Variants in SAMMSON observed in about 807,000 individuals in gnomAD.
SAMMSON encodes the protein long intergenic non-protein coding RNA 1212.
chr3:70,206,858 T>C (rs1701296410), intron 4 of SAMMSON: 2 of 396,340 alleles, frequency 5.0e-6, no homozygotes, highest in East Asian at 7.1e-5. Flanking sequence ...GACCTAAGAA[T>C]GCAGAAATTT....
intron 9 of SAMMSON, among the ~76,000 whole-genome samples, chr3:70,370,451 T>C (rs1702958782): frequency 6.6e-6 from 1 of 152,070 alleles, no homozygotes; most frequent in Non-Finnish European, 1.5e-5. Flanking sequence ...CTCTTTTCTC[T>C]ACATCCTTGT....
chr3:70,004,008 AG>A, intron 1 of SAMMSON, among the ~76,000 whole-genome samples: 1 of 151,942 alleles, frequency 6.6e-6, no homozygotes, highest in African/African-American at 2.4e-5. Flanking sequence ...CAAAGTTAAA[AG>A]CTTCTTTTTT....
intron 2 of SAMMSON, among the ~76,000 whole-genome samples, chr3:70,398,323 A>G (rs932808067): frequency 1.3e-5 from 2 of 152,222 alleles, no homozygotes; most frequent in African/African-American, 4.8e-5. Context: ...AAAGTAAATT[A>G]AAGACTTTTC....
chr3:70,139,493 T>A (rs1475744444), intron 4 of SAMMSON, among the ~76,000 whole-genome samples: 1 of 152,178 alleles, frequency 6.6e-6, no homozygotes, highest in East Asian at 1.9e-4. Flanking sequence ...TTGGGGCTCC[T>A]TGCAATGGCT....
chr3:70,139,898 A>T (rs755893345), intron 4 of SAMMSON, among the ~76,000 whole-genome samples: 33 of 152,160 alleles, frequency 2.2e-4, no homozygotes, highest in Non-Finnish European at 4.4e-4. Flanking sequence ...CCATTGAGAT[A>T]GCTGATCCAT....
intron 4 of SAMMSON, among the ~76,000 whole-genome samples, chr3:70,137,839 A>C (rs1044726116): frequency 6.6e-6 from 1 of 152,206 alleles, no homozygotes; most frequent in Non-Finnish European, 1.5e-5. Flanking sequence ...TATAGATTTT[A>C]CACTTCTAGC....
intron 1 of SAMMSON, among the ~76,000 whole-genome samples, chr3:70,005,833 T>C (rs1371377110): frequency 6.6e-6 from 1 of 152,188 alleles, no homozygotes; most frequent in Non-Finnish European, 1.5e-5. Flanking sequence ...GAGTTGCACA[T>C]ATGCTTACCC....
intron 4 of SAMMSON, among the ~76,000 whole-genome samples, chr3:70,122,631 G>GA (rs11391340): frequency 0.44 from 66,107 of 149,260 alleles, 15,267 homozygotes; most frequent in East Asian, 0.77. Flanking sequence ...AACAAATAGT[G>GA]AAAAAAACAT....
chr3:70,100,679 T>C (rs989276757), intron 4 of SAMMSON, among the ~76,000 whole-genome samples: 1 of 152,224 alleles, frequency 6.6e-6, no homozygotes, highest in Non-Finnish European at 1.5e-5. Flanking sequence ...AACGATATGT[T>C]AATTTACTCT....
chr3:70,090,414 C>G (rs572200628), intron 4 of SAMMSON, among the ~76,000 whole-genome samples: 1 of 152,202 alleles, frequency 6.6e-6, no homozygotes, highest in Non-Finnish European at 1.5e-5. Flanking sequence ...TATCTCAAGA[C>G]AGAATGTTCA....
rs541946267 is a variant in SAMMSON, at chr3:70,366,964, C to T, written n.913+8640C>T. Among the ~76,000 whole-genome samples the T allele has an allele frequency of 4.6e-5, 7 of 151,480 alleles. No individual in the cohort carries two copies. The South Asian group carries it at 1.3e-3, about 27-fold the overall frequency. On this transcript the variant is annotated intron_variant and non_coding_transcript_variant, in intron 9 of 9. Transcript: ENST00000642114. Reference sequence around the variant, plus strand: ...TATTTTTATATTCTTATTTGTCATCCGTATATTTTCTTTACTGAGGTTTCC... The same window carrying T: ...TATTTTTATATTCTTATTTGTCATCTGTATATTTTCTTTACTGAGGTTTCC...
At chr3:70,129,246 C>T (rs566560788) in intron 4 of SAMMSON, among the ~76,000 whole-genome samples, 42 of 152,206 alleles carry the variant, frequency 2.8e-4, no homozygotes, top group African/African-American at 9.4e-4. Flanking sequence ...TGTTAAATAA[C>T]GGAAAACATT....
chr3:70,321,222 C>T (rs1222106182), intron 7 of SAMMSON, among the ~76,000 whole-genome samples: 1 of 152,076 alleles, frequency 6.6e-6, no homozygotes. Flanking sequence ...ATCACCCCAA[C>T]ATTTCCTCAA....
chr3:70,408,032 C>A (rs1343870644), intron 2 of SAMMSON, among the ~76,000 whole-genome samples: 5 of 152,244 alleles, frequency 3.3e-5, no homozygotes. Flanking sequence ...GCTGCCAACG[C>A]TTGAGGCTTG....
chr3:70,087,538 T>C (rs1431460174), intron 4 of SAMMSON, among the ~76,000 whole-genome samples: 1 of 152,182 alleles, frequency 6.6e-6, no homozygotes, highest in Non-Finnish European at 1.5e-5. Context: ...GGAAGGAATA[T>C]CCTTCCTCTG....
intron 4 of SAMMSON, among the ~76,000 whole-genome samples, chr3:70,209,154 T>C (rs1220010384): frequency 6.6e-6 from 1 of 152,072 alleles, no homozygotes; most frequent in Non-Finnish European, 1.5e-5. Flanking sequence ...AGATGGACAT[T>C]CAAATGATGT....
chr3:70,025,991 A>C (rs2067035762), intron 3 of SAMMSON, among the ~76,000 whole-genome samples: 2 of 152,300 alleles, frequency 1.3e-5, no homozygotes, highest in Admixed American at 6.5e-5. Flanking sequence ...TCAGCATATA[A>C]TTGGACCCAT....
At chr3:70,195,968 A>G (rs1328777883) in intron 4 of SAMMSON, among the ~76,000 whole-genome samples, 3 of 152,210 alleles carry the variant, frequency 2.0e-5, no homozygotes, top group Non-Finnish European at 4.4e-5. Flanking sequence ...ACAAAGAAAA[A>G]CATGGTTTCT....
intron 4 of SAMMSON, among the ~76,000 whole-genome samples, chr3:70,098,850 A>G (rs1350182108): frequency 1.3e-5 from 2 of 152,056 alleles, no homozygotes; most frequent in African/African-American, 4.8e-5. Context: ...TGTGGCGATT[A>G]TTGTTTTCAT....
Sources: allele counts gnomAD v4.1 joint callset (sites outside exome capture counted in the v4.1 genomes callset), GRCh38; gene constraint gnomAD v4.1.1; transcripts MANE v1.5; gene names NCBI Gene and HGNC (gene_info 2026-07-23, HGNC 2026-07-21).